The following PCNX1 variants were observed in gnomAD, a reference collection of about 807,000 sequenced individuals.
The protein encoded by PCNX1 is pecanex-like protein 1.
Under a neutral mutation model 242.2 loss-of-function variants are expected in PCNX1, and 78 were observed. The ratio of observed to expected loss-of-function variants is 0.32; its 90% CI spans 0.27 to 0.39. PCNX1 has a LOEUF of 0.39. PCNX1 is among the 10% of genes least tolerant of loss of function. The pLI is 1.00. For synonymous variants in PCNX1, 1,024 were observed against 1,032.9 expected, an observed-to-expected ratio of 0.99 and a Z score of 0.17; for missense variants, 2,581 against 2,856.5, an observed-to-expected ratio of 0.90 and a Z score of 2.20.
At chr14:71,023,105 T>A (rs2060148619) in intron 12 of PCNX1, 95 bp from the exon 13 acceptor site, 4 of 905,628 alleles carry the variant, frequency 4.4e-6, no homozygotes, top group Non-Finnish European at 5.6e-6. Flanking sequence ...TTGTGGAATA[T>A]TTACTTAAAA....
intron 26 of PCNX1, among the ~76,000 whole-genome samples, chr14:71,064,647 CT>C (rs1361702765): frequency 1.3e-5 from 2 of 152,124 alleles, no homozygotes; most frequent in African/African-American, 4.8e-5. Context: ...ACTTTAAGTT[CT>C]GGGGTACATG....
intron 6 of PCNX1, among the ~76,000 whole-genome samples, chr14:70,987,578 C>T (rs2059036161): frequency 6.6e-6 from 1 of 152,112 alleles, no homozygotes; most frequent in African/African-American, 2.4e-5. Context: ...TGTTTTTATT[C>T]ATATTTAGCA....
intron 5 of PCNX1, chr14:70,969,364 A>T (rs895755388): frequency 1.5e-5 from 5 of 327,286 alleles, no homozygotes; most frequent in East Asian, 6.3e-5. Context: ...CCCAGAGTGA[A>T]TATGAGATGG....
At chr14:71,103,712 A>C in intron 32 of PCNX1, 43 bp downstream of exon 32, 1 of 1,591,784 alleles carries the variant, frequency 6.3e-7, no homozygotes. Flanking sequence ...TGTATTCCTG[A>C]CCCTCTTAAT....
chr14:71,105,423 C>T lies in PCNX1; in HGVS notation c.6284C>T (p.Ser2095Phe). The T allele has an allele frequency of 1.2e-6, 2 of 1,613,548 alleles. No homozygotes were observed. The highest frequency in any genetic ancestry group is 1.7e-6 in the Non-Finnish European group (2 of 1,179,458). ...SGTGLHPPVT[S>F]YPPTLGTSHS... ...ACTGGACTCCACCCACCTGTCACATCTTATCCTCCAACACTAGGTAATGTG... is the reference window on the plus strand; with the variant it reads ...ACTGGACTCCACCCACCTGTCACATTTTATCCTCCAACACTAGGTAATGTG... The change falls in exon 33 of 36, where the codon TCT (serine) becomes TTT (phenylalanine). Residue 2095 changes from serine (S) to phenylalanine (F), a missense_variant. By Grantham distance (155) the Ser-to-Phe change is radical. This residue lies in a region of PCNX1 where 432 missense variants were observed against 433.6 expected (regional missense o/e 1.00). Transcript: ENST00000304743.
chr14:70,999,497 A>T (rs2059443446), intron 8 of PCNX1, among the ~76,000 whole-genome samples: 1 of 152,236 alleles, frequency 6.6e-6, no homozygotes, highest in Admixed American at 6.5e-5. Context: ...ACGTAATTAC[A>T]AAGCATGTAT....
At chr14:71,079,456 T>C (rs1051858284) in intron 28 of PCNX1, among the ~76,000 whole-genome samples, 6 of 152,164 alleles carry the variant, frequency 3.9e-5, no homozygotes, top group Admixed American at 3.9e-4. Context: ...TTTACACTCC[T>C]ACCAACAGTG....
intron 27 of PCNX1, 114 bp from the exon 28 acceptor site, chr14:71,076,075 A>C (rs1188007669): frequency 1.5e-6 from 1 of 651,536 alleles, no homozygotes; most frequent in Non-Finnish European, 2.6e-6. Context: ...CAGACTAAAA[A>C]GTGTTTTACT....
intron 25 of PCNX1, 72 bp downstream of exon 25, chr14:71,055,634 C>G: frequency 1.2e-6 from 1 of 864,110 alleles, no homozygotes; most frequent in Non-Finnish European, 1.8e-6. Context: ...TATATTCACT[C>G]CTAACTTGTT....
At chr14:71,031,505 A>G (rs952198323) in intron 16 of PCNX1, among the ~76,000 whole-genome samples, 1 of 152,166 alleles carries the variant, frequency 6.6e-6, no homozygotes, top group African/African-American at 2.4e-5. Flanking sequence ...AACAAAGAGG[A>G]CAGCAGCACC....
chr14:70,959,655 G>A (rs1314949275), intron 2 of PCNX1, among the ~76,000 whole-genome samples: 4 of 150,878 alleles, frequency 2.7e-5, no homozygotes. Context: ...TTGGTTCCAA[G>A]TCTTTGCTAT....
chr14:71,084,104 C>T (rs969649537), intron 28 of PCNX1, among the ~76,000 whole-genome samples: 1 of 152,142 alleles, frequency 6.6e-6, no homozygotes, highest in African/African-American at 2.4e-5. Flanking sequence ...CTAACAGGCC[C>T]CTCTGCTGCA....
intron 1 of PCNX1, among the ~76,000 whole-genome samples, chr14:70,945,909 A>G (rs2526857): frequency 0.7 from 106,959 of 152,080 alleles, 37,617 homozygotes; most frequent in South Asian, 0.77. Context: ...AACATGTGGG[A>G]TCTAGAGCTA....
At chr14:70,950,557 A>G (rs191958610) in intron 2 of PCNX1, among the ~76,000 whole-genome samples, 24 of 152,256 alleles carry the variant, frequency 1.6e-4, no homozygotes, top group Admixed American at 1.2e-3. Context: ...TGTATTGCCA[A>G]ATTCCCAAGA....
At chr14:71,081,949 A>C (rs749689801) in intron 28 of PCNX1, among the ~76,000 whole-genome samples, 3 of 152,118 alleles carry the variant, frequency 2.0e-5, no homozygotes, top group Admixed American at 6.5e-5. Flanking sequence ...TTGCGATGTT[A>C]GGGTGTTGAT....
chr14:71,110,034 A>C lies in PCNX1; in HGVS notation c.*99A>C, dbSNP rs1261366869. 1 of 1,084,396 alleles carries C rather than the reference A, an allele frequency of 9.2e-7. No individual in the cohort carries two copies. Among genetic ancestry groups the C allele is most frequent in the Non-Finnish European group, 1.4e-6 (1 of 705,080 alleles). 67.2% of individuals were successfully genotyped at this position (1,084,396 alleles called of 1,614,324 possible). ...GAAGATGCCTGCAGGTATCACTTTGATCCTATGTGGGAGCGACTGAAAATA... is the reference window on the plus strand; with the variant it reads ...GAAGATGCCTGCAGGTATCACTTTGCTCCTATGTGGGAGCGACTGAAAATA... On this transcript the variant is annotated 3_prime_UTR_variant, in exon 36 of 36. Coordinates refer to ENST00000304743, the MANE Select transcript of PCNX1 (RefSeq NM_014982.3).
Position 70,978,419 on chromosome 14 carries a change from C to G in PCNX1, c.2082C>G (p.Asp694Glu). The G allele has an allele frequency of 6.2e-7, 1 of 1,614,178 alleles. No homozygotes were observed. Reference sequence around the variant, plus strand: ...CTCGTGCCCGAGTGTTGAGCCTGGACAGTGGCACAGTAGCATGTTTGAATG... The same window carrying G: ...CTCGTGCCCGAGTGTTGAGCCTGGAGAGTGGCACAGTAGCATGTTTGAATG... ...AKTRARVLSL[D>E]SGTVACLNDS... The change falls in exon 6 of 36, where the codon GAC becomes GAG. Residue 694 changes from aspartate to glutamate, a missense_variant. This residue lies in a region of PCNX1 where 1,204 missense variants were observed against 1,216.7 expected (regional missense o/e 0.99). Transcript: ENST00000304743.
At chr14:71,095,887 G>A (rs2062263243) in intron 30 of PCNX1, among the ~76,000 whole-genome samples, 1 of 152,136 alleles carries the variant, frequency 6.6e-6, no homozygotes, top group Non-Finnish European at 1.5e-5. Context: ...TTAAGAATAT[G>A]ATTATTGGCC....
chr14:70,951,227 C>T (rs185003521), intron 2 of PCNX1, among the ~76,000 whole-genome samples: 5 of 152,106 alleles, frequency 3.3e-5, no homozygotes, highest in Admixed American at 3.3e-4. Context: ...AGTTTCTGAA[C>T]TTAGTTTTCT....
Sources: allele counts gnomAD v4.1 joint callset (sites outside exome capture counted in the v4.1 genomes callset), GRCh38; gene constraint gnomAD v4.1.1; regional missense constraint gnomAD v4.1.1; transcripts MANE v1.5; gene names NCBI Gene and HGNC (gene_info 2026-07-23, HGNC 2026-07-21).